Variants in VPS53 observed in about 807,000 individuals in gnomAD.
VPS53 encodes vacuolar protein sorting-associated protein 53 homolog.
A neutral mutation model predicts 107.0 loss-of-function variants in VPS53; 70 were observed. The observed-to-expected ratio is 0.65, with a 90% confidence interval of 0.54 to 0.80. The LOEUF (loss-of-function observed/expected upper bound fraction) is 0.80. Among genes scored for constraint, VPS53 ranks in the 30% least tolerant of loss-of-function variants. The pLI is 0.00. For missense variants in VPS53, 917 were observed against 1,049.4 expected (o/e 0.87, Z 1.74); for synonymous variants, 409 against 393.3 (o/e 1.04, Z -0.47).
Position 532,825 on chromosome 17 carries a change from T to C in VPS53, c.2085+17A>G. 1 of 1,613,584 alleles carries C rather than the reference T, an allele frequency of 6.2e-7. No homozygotes were observed. The highest frequency in any genetic ancestry group is 8.5e-7 in the Non-Finnish European group (1 of 1,179,664). On this transcript the variant is annotated intron_variant, in intron 19 of 21. Transcript: ENST00000437048. ...CAAAAGCTGCCAGGCAAATGCCTGA[T>C]ACTACGTCCATCTCACCTGTTCTGC...
intron 12 of VPS53, among the ~76,000 whole-genome samples, chr17:600,586 A>G (rs1241810598): frequency 6.6e-6 from 1 of 152,216 alleles, no homozygotes; most frequent in Non-Finnish European, 1.5e-5. Context: ...AAGATGTCCC[A>G]TCAGTTTTGT....
chr17:631,422 C>A (rs904597646), intron 8 of VPS53, 128 bp downstream of exon 8: 2 of 973,100 alleles, frequency 2.1e-6, no homozygotes, highest in East Asian at 4.9e-5. Context: ...TACCCTGAAC[C>A]TGCAGCAGAA....
At chr17:545,292 C>G (rs944196307) in intron 17 of VPS53, among the ~76,000 whole-genome samples, 1 of 152,186 alleles carries the variant, frequency 6.6e-6, no homozygotes, top group Non-Finnish European at 1.5e-5. Context: ...GCATTTCCCT[C>G]TCCTTGTCTA....
intron 4 of VPS53, among the ~76,000 whole-genome samples, chr17:670,857 G>C (rs1460529711): frequency 6.6e-6 from 1 of 152,166 alleles, no homozygotes; most frequent in Non-Finnish European, 1.5e-5. Context: ...GAGAAAATTA[G>C]ATTTTTCCAC....
At position 572,880 on chromosome 17, in the gene VPS53, C is replaced by T. The variant is rs1245789096; in HGVS notation, c.1314-10135G>A. On this transcript the variant is annotated intron_variant, in intron 13 of 21. Coordinates refer to ENST00000437048, the MANE Select transcript of VPS53 (RefSeq NM_001128159.3). ...CTCCCTAATCTCAAGTACCCAGGGA[C>T]ACAAACACTGCGGAAGGCCTCAGGG... Among the ~76,000 whole-genome samples the T allele has an allele frequency of 2.0e-5, 3 of 151,436 alleles. No homozygotes were observed. The South Asian group carries it at 6.3e-4, about 32-fold the overall frequency.
chr17:553,515 AC>A, intron 15 of VPS53, 53 bp from the exon 16 acceptor site: 1 of 1,323,428 alleles, frequency 7.6e-7, no homozygotes, highest in Non-Finnish European at 1.1e-6. Flanking sequence ...CCAAAGAAGT[AC>A]CATCACAATA....
intron 4 of VPS53, among the ~76,000 whole-genome samples, chr17:670,516 A>G (rs1180415029): frequency 6.6e-6 from 1 of 151,392 alleles, no homozygotes; most frequent in Non-Finnish European, 1.5e-5. Flanking sequence ...CCTGGCACAG[A>G]CTCTCCTGCT....
At chr17:679,535 A>C (rs1972309092) in intron 4 of VPS53, among the ~76,000 whole-genome samples, 1 of 152,148 alleles carries the variant, frequency 6.6e-6, no homozygotes, top group African/African-American at 2.4e-5. Context: ...ACAAAACAAA[A>C]AGAATGGAAA....
At chr17:616,120 T>A (rs1344703183) in intron 11 of VPS53, 1 of 152,240 alleles carries the variant, frequency 6.6e-6, no homozygotes, top group African/African-American at 2.4e-5. Context: ...GGGCTTCTGT[T>A]GCCTTCCTAG....
intron 11 of VPS53, among the ~76,000 whole-genome samples, chr17:618,990 G>GC (rs1194915880): frequency 8.1e-6 from 1 of 123,520 alleles, no homozygotes. Flanking sequence ...GCACCACCAC[G>GC]CCTGCTAATA....
chr17:670,019 A>C (rs1971871434), intron 4 of VPS53, among the ~76,000 whole-genome samples: 1 of 152,242 alleles, frequency 6.6e-6, no homozygotes, highest in Non-Finnish European at 1.5e-5. Flanking sequence ...AATCTACCCC[A>C]CTAGAGTTTC....
At chr17:669,198 AG>A (rs1199629258) in intron 4 of VPS53, among the ~76,000 whole-genome samples, 1 of 152,228 alleles carries the variant, frequency 6.6e-6, no homozygotes, top group African/African-American at 2.4e-5. Flanking sequence ...CAAGAAGTTA[AG>A]GTTTTTTTAA....
At chr17:598,709 GA>G (rs1968133305) in intron 12 of VPS53, among the ~76,000 whole-genome samples, 1 of 119,096 alleles carries the variant, frequency 8.4e-6, no homozygotes, top group African/African-American at 2.8e-5. Context: ...GAGAAGTGAG[GA>G]GACCCTCTGC....
chr17:699,503 A>T, intron 2 of VPS53, 123 bp from the exon 3 acceptor site: 1 of 698,768 alleles, frequency 1.4e-6, no homozygotes, highest in Non-Finnish European at 2.1e-6. Flanking sequence ...ACATGATATG[A>T]GTTTTGCTTT....
chr17:685,963 C>T (rs779399350), intron 4 of VPS53, among the ~76,000 whole-genome samples: 3 of 151,442 alleles, frequency 2.0e-5, no homozygotes, highest in Admixed American at 6.6e-5. Context: ...GAGCTATGCA[C>T]GCCACACTCC....
intron 17 of VPS53, chr17:551,628 C>T (rs920240237): frequency 5.7e-5 from 16 of 279,078 alleles, no homozygotes; most frequent in African/African-American, 1.3e-4. Context: ...ACATTTACTT[C>T]GTCTCTTTTT....
chr17:608,948 T>A (rs1968712220), intron 11 of VPS53, among the ~76,000 whole-genome samples: 1 of 152,152 alleles, frequency 6.6e-6, no homozygotes, highest in East Asian at 1.9e-4. Flanking sequence ...AATATTTATC[T>A]GAAGAGTAAA....
At chr17:656,763 C>A in intron 5 of VPS53, 1 of 970,236 alleles carries the variant, frequency 1.0e-6, no homozygotes, top group East Asian at 2.4e-5. Flanking sequence ...TAATTACGTA[C>A]AAAGATCTAA....
At chr17:658,217 A>G (rs1971282407) in intron 5 of VPS53, among the ~76,000 whole-genome samples, 1 of 82,378 alleles carries the variant, frequency 1.2e-5, no homozygotes, top group Non-Finnish European at 3.3e-5. Flanking sequence ...GATACATCCC[A>G]TTGAAGTGAG....
Sources: gnomAD v4.1 joint callset for allele counts (sites outside exome capture counted in the v4.1 genomes callset) on GRCh38, gnomAD v4.1.1 for gene constraint, MANE v1.5 for transcripts, NCBI Gene and HGNC (gene_info 2026-07-23, HGNC 2026-07-21) for gene names.